Variants in CSNK1G3 observed in about 807,000 individuals in gnomAD.
CSNK1G3 encodes the protein casein kinase I isoform gamma-3.
In CSNK1G3, 23 loss-of-function variants were observed where a neutral mutation model predicts 64.3. The observed-to-expected ratio is 0.36, with a 90% CI of 0.26 to 0.51. The LOEUF (loss-of-function observed/expected upper bound fraction) is 0.51, where lower values mean the gene tolerates loss of function less well. Ranked by LOEUF, CSNK1G3 falls within the 20% of genes least tolerant of loss-of-function variation. The pLI, the probability that CSNK1G3 is intolerant of heterozygous loss-of-function variation, is 0.96. For synonymous variants in CSNK1G3, 158 were observed against 162.2 expected (o/e 0.97, Z 0.20); for missense variants, 357 against 510.5 (o/e 0.70, Z 2.90).
At chr5:123,538,810 T>C (rs1963610) in intron 1 of CSNK1G3, among the ~76,000 whole-genome samples, 151,607 of 152,248 alleles carry the variant, frequency 1, 75,513 homozygotes, top group Middle Eastern at 1. Context: ...TTAGCCCATT[T>C]GGAAGTGTTT....
intron 6 of CSNK1G3, among the ~76,000 whole-genome samples, chr5:123,578,135 CT>C (rs1412361314): frequency 6.6e-6 from 1 of 151,868 alleles, no homozygotes; most frequent in Non-Finnish European, 1.5e-5. Context: ...AAGTTTTTGA[CT>C]TATGAATAAA....
At chr5:123,548,050 A>C (rs1390105519) in intron 2 of CSNK1G3, among the ~76,000 whole-genome samples, 1 of 152,188 alleles carries the variant, frequency 6.6e-6, no homozygotes, top group East Asian at 1.9e-4. Flanking sequence ...AAAGACTATA[A>C]GGTATACATG....
chr5:123,545,540 C>T lies in CSNK1G3; in HGVS notation c.-124C>T. ...GCTCCAGTTAATTGACTACCTACTG[C>T]AATTTGAATGTTAACATTACCCATC... On this transcript the variant is annotated 5_prime_UTR_variant, in exon 2 of 13. The change creates a premature stop within an existing upstream ORF in the 5' untranslated region. Transcript: ENST00000345990. 1 of 715,152 alleles carries T rather than the reference C, an allele frequency of 1.4e-6. No homozygotes were observed. Among genetic ancestry groups the T allele is most frequent in the Non-Finnish European group, 2.2e-6 (1 of 452,570 alleles). 44.3% of individuals were successfully genotyped at this position (715,152 alleles called of 1,614,324 possible).
intron 6 of CSNK1G3, among the ~76,000 whole-genome samples, chr5:123,584,218 A>G (rs1790884744): frequency 6.6e-6 from 1 of 152,194 alleles, no homozygotes; most frequent in South Asian, 2.1e-4. Context: ...CTGAATAGAA[A>G]GGGTAAGAGT....
intron 1 of CSNK1G3, among the ~76,000 whole-genome samples, chr5:123,541,814 G>A (rs1388973336): frequency 6.6e-6 from 1 of 151,056 alleles, no homozygotes; most frequent in Non-Finnish European, 1.5e-5. Flanking sequence ...TCTTTTTGGG[G>A]GAAAATCTGG....
chr5:123,595,023 A>C lies in CSNK1G3; in HGVS notation c.1086+3609A>C, dbSNP rs1423653430. On this transcript the variant is annotated intron_variant, in intron 10 of 12. Transcript: ENST00000345990. Reference sequence around the variant, plus strand: ...TTCTTCTTCCATGCATGCCATATGCATTAAATAAATGGCAGTCGGCAGACC... The same window carrying C: ...TTCTTCTTCCATGCATGCCATATGCCTTAAATAAATGGCAGTCGGCAGACC... The C allele has an allele frequency of 1.2e-6, 2 of 1,610,190 alleles. No homozygotes were observed. Among genetic ancestry groups the C allele is most frequent in the South Asian group, 1.1e-5 (1 of 90,982 alleles).
chr5:123,615,409 AAAG>A (rs1391791992), exon 13 of CSNK1G3: 8 of 152,588 alleles, frequency 5.2e-5, no homozygotes, highest in Non-Finnish European at 1.2e-4. Context: ...TGATTAAAAA[AAAG>A]ACCCCCAGCA....
At chr5:123,522,490 G>C (rs550799482) in intron 1 of CSNK1G3, among the ~76,000 whole-genome samples, 1 of 141,058 alleles carries the variant, frequency 7.1e-6, no homozygotes, top group South Asian at 2.2e-4. Flanking sequence ...GCAATAGAGC[G>C]AGATTCTGTC....
chr5:123,523,406 C>T (rs1419143245), intron 1 of CSNK1G3, among the ~76,000 whole-genome samples: 1 of 152,148 alleles, frequency 6.6e-6, no homozygotes, highest in Non-Finnish European at 1.5e-5. Flanking sequence ...GGGTCAGGAA[C>T]ACCCTCAGCA....
chr5:123,581,383 C>A (rs1398518099), intron 6 of CSNK1G3, among the ~76,000 whole-genome samples: 1 of 50,650 alleles, frequency 2.0e-5, no homozygotes, highest in Admixed American at 2.7e-4. Flanking sequence ...TTTTTTTTGG[C>A]CTTCACCTGT....
intron 6 of CSNK1G3, among the ~76,000 whole-genome samples, chr5:123,579,291 GTTTT>G (rs11299582): frequency 7.0e-6 from 1 of 142,176 alleles, no homozygotes; most frequent in Non-Finnish European, 1.5e-5. Flanking sequence ...TAAATTTGCT[GTTTT>G]TTTTTTTTTT....
intron 2 of CSNK1G3, among the ~76,000 whole-genome samples, chr5:123,546,454 C>G (rs1782531775): frequency 6.6e-6 from 1 of 151,960 alleles, no homozygotes; most frequent in South Asian, 2.1e-4. Context: ...GCAATTGGAA[C>G]TCAGTGAGGG....
intron 1 of CSNK1G3, 92 bp downstream of exon 1, chr5:123,512,662 TG>T (rs1370737771): frequency 7.4e-6 from 1 of 135,368 alleles, no homozygotes; most frequent in African/African-American, 2.7e-5. Flanking sequence ...CGGGTGGGGC[TG>T]GGGTCCCGGG....
intron 5 of CSNK1G3, 98 bp downstream of exon 5, chr5:123,573,639 A>G: frequency 8.9e-7 from 1 of 1,120,586 alleles, no homozygotes; most frequent in Non-Finnish European, 1.3e-6. Flanking sequence ...ATTGTCTTAC[A>G]GAGCGTTTGA....
intron 1 of CSNK1G3, among the ~76,000 whole-genome samples, chr5:123,532,371 A>T (rs1780077687): frequency 6.6e-6 from 1 of 151,842 alleles, no homozygotes; most frequent in South Asian, 2.1e-4. Flanking sequence ...GCCCTAAATA[A>T]TTTTTTATAA....
chr5:123,536,632 A>G (rs1237897711), intron 1 of CSNK1G3, among the ~76,000 whole-genome samples: 2 of 152,092 alleles, frequency 1.3e-5, no homozygotes, highest in Non-Finnish European at 2.9e-5. Flanking sequence ...TGATCACTAT[A>G]TAGTATGTGT....
chr5:123,565,948 G>GT (rs1786786158), intron 4 of CSNK1G3, among the ~76,000 whole-genome samples: 2 of 152,238 alleles, frequency 1.3e-5, no homozygotes, highest in South Asian at 4.2e-4. Context: ...ATAACTCAAC[G>GT]TAAGATTTAG....
At position 123,521,837 on chromosome 5, in the gene CSNK1G3, A is replaced by G. The variant is rs569167306; in HGVS notation, c.-248+9267A>G. On this transcript the variant is annotated intron_variant, in intron 1 of 12. Transcript: ENST00000345990. The stretch of plus-strand genomic sequence containing the variant: ...TACTAGTGGTTCTTGGCCCGAGTTC[A>G]TATTACAGTTTTCTTGGGAGCTTAA... Among the ~76,000 whole-genome samples the G allele has an allele frequency of 7.2e-5, 11 of 152,168 alleles. No individual in the cohort carries two copies. The South Asian group carries it at 2.3e-3, about 32-fold the overall frequency.
intron 2 of CSNK1G3, among the ~76,000 whole-genome samples, chr5:123,552,398 C>T (rs1055257917): frequency 1.3e-5 from 2 of 152,220 alleles, no homozygotes; most frequent in East Asian, 3.8e-4. Context: ...CCTGCCTCAG[C>T]CTCCCAAAGT....
Sources: gnomAD v4.1 joint callset for allele counts (sites outside exome capture counted in the v4.1 genomes callset) on GRCh38, gnomAD v4.1.1 for gene constraint, MANE v1.5 for transcripts, NCBI Gene and HGNC (gene_info 2026-07-23, HGNC 2026-07-21) for gene names.